LYZL1: variants seen among roughly 807,000 people sequenced by gnomAD.
LYZL1 encodes the protein lysozyme like 1, also known as lysozyme-like protein 1.
A neutral mutation model predicts 17.9 loss-of-function variants in LYZL1; 16 were observed. The observed-to-expected ratio is 0.90, with a 90% CI of 0.61 to 1.36. The LOEUF (loss-of-function observed/expected upper bound fraction) is 1.36, where lower values mean the gene tolerates loss of function less well. Among genes scored for constraint, LYZL1 ranks in the 40% most tolerant of loss-of-function variants. The pLI is 0.00. For missense variants in LYZL1, 149 were observed against 188.4 expected, an observed-to-expected ratio of 0.79 and a Z score of 1.22; for synonymous variants, 58 against 71.8, an observed-to-expected ratio of 0.81 and a Z score of 0.97.
At chr10:29,309,773 G>A (rs1416156951) in intron 3 of LYZL1, among the ~76,000 whole-genome samples, 1 of 152,194 alleles carries the variant, frequency 6.6e-6, no homozygotes, top group Non-Finnish European at 1.5e-5. Context: ...TGGTATTACA[G>A]GTCTGAGCCA....
chr10:29,308,822 G>A (rs141938971), intron 3 of LYZL1, among the ~76,000 whole-genome samples: 35 of 151,892 alleles, frequency 2.3e-4, no homozygotes, highest in African/African-American at 8.2e-4. Context: ...AAAAATGGCC[G>A]GGCATGGTGG....
rs554547550 is a variant in LYZL1, at chr10:29,299,947, G to C, written c.298+7270G>C. Among the ~76,000 whole-genome samples, 7 of 152,282 alleles carry C rather than the reference G, an allele frequency of 4.6e-5. No individual in the cohort carries two copies. The South Asian group carries it at 1.4e-3, about 32-fold the overall frequency. On this transcript the variant is annotated intron_variant, in intron 3 of 4. Transcript: ENST00000649382. ...AAATGTTTGCCTAAAAGGCCAAATG[G>C]TAAATATTTTAGGCTTTTCAGGTCA... is the stretch of plus-strand genomic sequence containing the variant.
intron 4 of LYZL1, chr10:29,318,119 C>T: frequency 1.0e-6 from 1 of 982,886 alleles, no homozygotes; most frequent in Non-Finnish European, 1.2e-6. Flanking sequence ...CTGAAAGAAA[C>T]CACCTGAAAC....
downstream of LYZL1, among the ~76,000 whole-genome samples, chr10:29,312,956 C>T (rs74131345): frequency 0.049 from 7,408 of 152,184 alleles, 204 homozygotes; most frequent in Middle Eastern, 0.12. Flanking sequence ...AGAAAGTCTC[C>T]ACTGATGAGA....
chr10:29,316,813 C>T (rs896920095), intron 3 of LYZL1, among the ~76,000 whole-genome samples: 2 of 151,074 alleles, frequency 1.3e-5, no homozygotes, highest in African/African-American at 4.9e-5. Flanking sequence ...AACTTTCAGG[C>T]TCAAGTGAGC....
intron 3 of LYZL1, among the ~76,000 whole-genome samples, chr10:29,294,651 G>C (rs1043282223): frequency 6.6e-6 from 1 of 152,186 alleles, no homozygotes; most frequent in Non-Finnish European, 1.5e-5. Flanking sequence ...TGAGGAACAA[G>C]AGTGAAGTCA....
At chr10:29,304,763 T>C (rs949481931) in intron 3 of LYZL1, among the ~76,000 whole-genome samples, 4 of 151,828 alleles carry the variant, frequency 2.6e-5, no homozygotes, top group Non-Finnish European at 5.9e-5. Context: ...AACACCTCAG[T>C]GCTCAGGGCT....
At chr10:29,307,105 C>T (rs532479081) in intron 3 of LYZL1, among the ~76,000 whole-genome samples, 4 of 152,208 alleles carry the variant, frequency 2.6e-5, no homozygotes, top group South Asian at 4.2e-4. Flanking sequence ...CCACCTGCCT[C>T]GGCCTCCCAA....
chr10:29,309,741 C>T (rs1231611906), intron 3 of LYZL1, among the ~76,000 whole-genome samples: 1 of 152,220 alleles, frequency 6.6e-6, no homozygotes, highest in African/African-American at 2.4e-5. Context: ...AGGGATGCTC[C>T]CACCTCAGCC....
At chr10:29,299,041 G>A (rs1343472724) in intron 3 of LYZL1, among the ~76,000 whole-genome samples, 1 of 152,196 alleles carries the variant, frequency 6.6e-6, no homozygotes, top group Admixed American at 6.5e-5. Context: ...GACAGCGGTA[G>A]ATCATCAGGC....
At chr10:29,306,549 C>CA (rs58001118) in intron 3 of LYZL1, among the ~76,000 whole-genome samples, 2,423 of 48,746 alleles carry the variant, frequency 0.05, 361 homozygotes, top group Middle Eastern at 0.077. Flanking sequence ...GACTCCGTCT[C>CA]AAAAAAAAAA....
intron 3 of LYZL1, among the ~76,000 whole-genome samples, chr10:29,306,343 G>A (rs1275434840): frequency 3.6e-5 from 5 of 137,490 alleles, no homozygotes; most frequent in African/African-American, 8.1e-5. Flanking sequence ...GAGGTCAGGA[G>A]ATCGAGACCA....
chr10:29,297,412 C>T (rs1381205817), intron 3 of LYZL1, among the ~76,000 whole-genome samples: 2 of 152,194 alleles, frequency 1.3e-5, no homozygotes, highest in African/African-American at 2.4e-5. Flanking sequence ...ACAGCAGTCA[C>T]TCCTTGTCTA....
chr10:29,295,418 CT>C (rs1835434374), intron 3 of LYZL1, among the ~76,000 whole-genome samples: 1 of 152,200 alleles, frequency 6.6e-6, no homozygotes, highest in African/African-American at 2.4e-5. Context: ...ATAGGCATGA[CT>C]TTTGAACCCT....
chr10:29,314,714 T>G (rs1338603964), downstream of LYZL1, among the ~76,000 whole-genome samples: 1 of 152,164 alleles, frequency 6.6e-6, no homozygotes, highest in African/African-American at 2.4e-5. Flanking sequence ...TCTAGAACAT[T>G]TTTGTTTTCA....
downstream of LYZL1, among the ~76,000 whole-genome samples, chr10:29,315,086 A>T (rs77026513): frequency 1.1e-4 from 17 of 152,378 alleles, no homozygotes; most frequent in East Asian, 3.3e-3. Flanking sequence ...TAAAGCCTTC[A>T]TCAAGAGACC....
chr10:29,318,283 C>A (rs1835753517), exon 5 of LYZL1: 3 of 667,032 alleles, frequency 4.5e-6, no homozygotes, highest in Non-Finnish European at 5.6e-6. Flanking sequence ...TCTATACTTG[C>A]CTTGAGAAAG....
chr10:29,310,421 A>T (rs1406000202), intron 4 of LYZL1, among the ~76,000 whole-genome samples: 1 of 152,132 alleles, frequency 6.6e-6, no homozygotes, highest in East Asian at 1.9e-4. Flanking sequence ...ATTGCTTTTC[A>T]TATGAACGTA....
intron 3 of LYZL1, among the ~76,000 whole-genome samples, chr10:29,302,928 T>A (rs573215958): frequency 6.6e-6 from 1 of 152,346 alleles, no homozygotes; most frequent in South Asian, 2.1e-4. Context: ...AGTGAAGTTC[T>A]GGAGTAGTTT....
Sources: allele counts gnomAD v4.1 joint callset (sites outside exome capture counted in the v4.1 genomes callset), GRCh38; gene constraint gnomAD v4.1.1; transcripts MANE v1.5; gene names NCBI Gene and HGNC (gene_info 2026-07-23, HGNC 2026-07-21).